Variants in MAGI1 observed in about 807,000 individuals in gnomAD.
The protein encoded by MAGI1 is membrane-associated guanylate kinase, WW and PDZ domain-containing protein 1.
Under a neutral mutation model 139.9 loss-of-function variants are expected in MAGI1, and 58 were observed. The observed-to-expected ratio is 0.41, with a 90% CI of 0.34 to 0.52. MAGI1 has a LOEUF of 0.52. MAGI1 is among the 20% of genes least tolerant of loss of function. The pLI is 0.12. For missense variants in MAGI1, 1,874 were observed against 1,901.6 expected, an observed-to-expected ratio of 0.99 and a Z score of 0.27; for synonymous variants, 812 against 737.9, an observed-to-expected ratio of 1.10 and a Z score of -1.63.
chr3:65,444,743 G>A (rs1433616879), intron 7 of MAGI1, among the ~76,000 whole-genome samples: 1 of 152,098 alleles, frequency 6.6e-6, no homozygotes, highest in South Asian at 2.1e-4. Flanking sequence ...TTCTTTTCTA[G>A]TGCCTAGTCA....
At chr3:65,599,732 G>C (rs1322341101) in intron 2 of MAGI1, among the ~76,000 whole-genome samples, 1 of 152,150 alleles carries the variant, frequency 6.6e-6, no homozygotes, top group African/African-American at 2.4e-5. Context: ...AAATGAAAGT[G>C]TTCATCTTCT....
intron 1 of MAGI1, among the ~76,000 whole-genome samples, chr3:65,989,903 A>G (rs979982458): frequency 6.6e-6 from 1 of 152,222 alleles, no homozygotes; most frequent in African/African-American, 2.4e-5. Context: ...GGGGAAAGTT[A>G]GCTGTCATAT....
chr3:65,417,082 A>G (rs1946273608), intron 12 of MAGI1, among the ~76,000 whole-genome samples: 1 of 152,182 alleles, frequency 6.6e-6, no homozygotes, highest in African/African-American at 2.4e-5. Context: ...CAGAACTGAA[A>G]AATGCTTCCG....
intron 12 of MAGI1, among the ~76,000 whole-genome samples, chr3:65,416,809 T>C (rs961631808): frequency 6.6e-6 from 1 of 152,172 alleles, no homozygotes; most frequent in African/African-American, 2.4e-5. Flanking sequence ...ACCTGCAAGA[T>C]GTTTGAACCA....
At chr3:65,963,068 C>T (rs1187577998) in intron 1 of MAGI1, among the ~76,000 whole-genome samples, 4 of 149,768 alleles carry the variant, frequency 2.7e-5, no homozygotes, top group East Asian at 2.0e-4. Flanking sequence ...CAGTGGCTCA[C>T]GTCTGTAACC....
At chr3:65,691,307 A>AAAAAAAAAAAAGAAAAAAAAAG (rs1388046202) in intron 1 of MAGI1, among the ~76,000 whole-genome samples, 1 of 133,658 alleles carries the variant, frequency 7.5e-6, no homozygotes, top group Non-Finnish European at 1.7e-5. Context: ...CGTCTCAAAA[A>AAAAAAAAAAAAGAAAAAAAAAG]AAAAAAAAGA....
chr3:65,434,561 T>C (rs1575731331), intron 10 of MAGI1, among the ~76,000 whole-genome samples: 1 of 152,150 alleles, frequency 6.6e-6, no homozygotes, highest in Non-Finnish European at 1.5e-5. Context: ...AAATTAGCTA[T>C]ATGGCTTCTT....
chr3:65,792,119 A>G (rs1302792949), intron 1 of MAGI1, among the ~76,000 whole-genome samples: 3 of 152,228 alleles, frequency 2.0e-5, no homozygotes, highest in Non-Finnish European at 4.4e-5. Flanking sequence ...TAATCATAAT[A>G]TAGCTATTAA....
At chr3:65,518,930 T>G (rs941120484) in intron 2 of MAGI1, among the ~76,000 whole-genome samples, 1 of 151,928 alleles carries the variant, frequency 6.6e-6, no homozygotes, top group African/African-American at 2.4e-5. Context: ...ATGGTAGAAG[T>G]AGAAGTAGAA....
chr3:65,891,945 C>G (rs1400887837), intron 1 of MAGI1, among the ~76,000 whole-genome samples: 3 of 93,624 alleles, frequency 3.2e-5, no homozygotes, highest in Admixed American at 1.4e-4. Flanking sequence ...TATATATACC[C>G]GTGTTGCTCC....
Position 65,647,654 on chromosome 3 carries a change from C to T in MAGI1, c.314-25566G>A, listed in dbSNP as rs554031566. On this transcript the variant is annotated intron_variant, in intron 1 of 22. Transcript: ENST00000402939. ...TATTAATATGTTAACGAAGAGAAACCACATGATCATATCAACTGATTTAAA... is the reference window on the plus strand; with the variant it reads ...TATTAATATGTTAACGAAGAGAAACTACATGATCATATCAACTGATTTAAA... Among the ~76,000 whole-genome samples the T allele has an allele frequency of 3.9e-5, 6 of 152,136 alleles. No individual in the cohort carries two copies. In the South Asian group the frequency reaches 8.3e-4, roughly 21 times the overall value.
chr3:65,428,108 T>C (rs562533869), intron 12 of MAGI1, among the ~76,000 whole-genome samples: 51 of 152,340 alleles, frequency 3.3e-4, no homozygotes, highest in African/African-American at 1.2e-3. Flanking sequence ...CCAGCCATTC[T>C]GATCGCAGAA....
chr3:65,846,258 G>C (rs532218669), intron 1 of MAGI1, among the ~76,000 whole-genome samples: 1 of 152,170 alleles, frequency 6.6e-6, no homozygotes, highest in Non-Finnish European at 1.5e-5. Context: ...CCTAAAGTTG[G>C]CTAGAGTCTG....
intron 1 of MAGI1, among the ~76,000 whole-genome samples, chr3:65,778,301 G>A (rs958037634): frequency 1.3e-5 from 2 of 151,814 alleles, no homozygotes; most frequent in Non-Finnish European, 2.9e-5. Context: ...ATGGTGGCGG[G>A]TGCCTGTAAT....
At chr3:65,847,265 A>C (rs969168389) in intron 1 of MAGI1, among the ~76,000 whole-genome samples, 2 of 152,198 alleles carry the variant, frequency 1.3e-5, no homozygotes, top group Non-Finnish European at 2.9e-5. Context: ...ACTTAATAAC[A>C]TAAAATCTGA....
intron 1 of MAGI1, among the ~76,000 whole-genome samples, chr3:65,779,325 G>C (rs2038740651): frequency 6.6e-6 from 1 of 152,156 alleles, no homozygotes; most frequent in Non-Finnish European, 1.5e-5. Context: ...GGTCTCAAGA[G>C]AACACAAGCA....
At chr3:66,001,906 T>C (rs1438012732) in intron 1 of MAGI1, among the ~76,000 whole-genome samples, 1 of 152,218 alleles carries the variant, frequency 6.6e-6, no homozygotes, top group East Asian at 1.9e-4. Flanking sequence ...AAAGTGATCC[T>C]ATATGATCAC....
intron 1 of MAGI1, among the ~76,000 whole-genome samples, chr3:65,725,138 C>A (rs912414477): frequency 1.6e-4 from 24 of 152,182 alleles, no homozygotes; most frequent in Admixed American, 9.8e-4. Context: ...GATTCCTTTG[C>A]AACACAGTTT....
At position 65,439,916 on chromosome 3, in the gene MAGI1, T is replaced by TTGCTGCTGCTGTTGC; in HGVS notation, c.1218_1232dup (p.Gln417_Gln421dup). 7.4e-7 allele frequency: 1 copy of TTGCTGCTGCTGTTGC among 1,344,984 alleles called. No homozygotes were observed. Among genetic ancestry groups the TTGCTGCTGCTGTTGC allele is most frequent in the Non-Finnish European group, 1.0e-6 (1 of 963,976 alleles). The allele number at this position is 1,344,984 out of a possible 1,614,324, so 83.3% of individuals were successfully genotyped here. Reference sequence around the variant, plus strand: ...GCTGCTGCTGCTGCTGCTGCTGCTGTTGCTGCTGCTGTTGCTGCTGCTGCT... The same window carrying TTGCTGCTGCTGTTGC: ...GCTGCTGCTGCTGCTGCTGCTGCTGTTGCTGCTGCTGTTGCTGCTGCTGCTGTTGCTGCTGCTGCT... On this transcript the variant is annotated inframe_insertion, in exon 9 of 23. Coordinates refer to ENST00000402939, the MANE Select transcript of MAGI1 (RefSeq NM_001033057.2).
Sources: allele counts gnomAD v4.1 joint callset (sites outside exome capture counted in the v4.1 genomes callset), GRCh38; gene constraint gnomAD v4.1.1; transcripts MANE v1.5; gene names NCBI Gene and HGNC (gene_info 2026-07-23, HGNC 2026-07-21).